Variants in UNC5B observed in about 807,000 individuals in gnomAD.
UNC5B encodes the protein unc-5 netrin receptor B.
In UNC5B, 56 loss-of-function variants were observed where a neutral mutation model predicts 103.7. The observed-to-expected ratio is 0.54, with a 90% CI of 0.44 to 0.67. The LOEUF (loss-of-function observed/expected upper bound fraction) is 0.67, where lower values mean the gene tolerates loss of function less well. Ranked by LOEUF, UNC5B falls within the 30% of genes least tolerant of loss-of-function variation. The pLI is 0.00. For synonymous variants in UNC5B, 577 were observed against 542.0 expected (o/e 1.06, Z -0.90); for missense variants, 1,194 against 1,284.5 (o/e 0.93, Z 1.08).
Position 71,287,680 on chromosome 10 carries a change from C to G in UNC5B, c.816C>G (p.Thr272=). The change falls in exon 6 of 17, where the codon ACC becomes ACG. Residue 272 remains threonine, a synonymous_variant. Coordinates refer to ENST00000335350, the MANE Select transcript of UNC5B (RefSeq NM_170744.5). ...CGRGWQKRTR[T]CTNPAPLNGG... The stretch of plus-strand genomic sequence containing the variant: ...GAGGCTGGCAGAAGCGCACCCGGAC[C>G]TGCACCAACCCCGCTCCACTCAACG... 2.5e-6 allele frequency: 4 copies of G among 1,613,356 alleles called. No individual in the cohort carries two copies. The highest frequency in any genetic ancestry group is 3.4e-6 in the Non-Finnish European group (4 of 1,179,692).
intron 1 of UNC5B, among the ~76,000 whole-genome samples, chr10:71,262,208 C>T (rs1304950046): frequency 2.0e-5 from 3 of 152,102 alleles, no homozygotes; most frequent in Non-Finnish European, 4.4e-5. Context: ...GAGGTGGCTC[C>T]TGTTCGTTCT....
At chr10:71,241,325 G>A (rs111943167) in intron 1 of UNC5B, among the ~76,000 whole-genome samples, 12 of 152,296 alleles carry the variant, frequency 7.9e-5, no homozygotes, top group African/African-American at 2.6e-4. Flanking sequence ...GTCTGTAACT[G>A]AGTAGCTTCA....
intron 1 of UNC5B, among the ~76,000 whole-genome samples, chr10:71,270,888 G>A (rs1394197494): frequency 6.6e-6 from 1 of 152,140 alleles, no homozygotes; most frequent in Non-Finnish European, 1.5e-5. Flanking sequence ...TGCCTTAGGG[G>A]GACAGCAGCA....
Position 71,293,763 on chromosome 10 carries a change from G to A in UNC5B, c.2005G>A (p.Ala669Thr). Reference protein sequence around the residue: ...TPCYCQLEPRACHILLDQLGT... With the variant: ...TPCYCQLEPRTCHILLDQLGT... ...CTGCTACTGCCAGCTGGAGCCCAGG[G>A]CCTGTCACATCCTGCTGGACCAGCT... Residue 669 changes from alanine to threonine, a missense_variant, in exon 13 of 17, where the codon GCC becomes ACC. Ala to Thr is a moderately conservative substitution (Grantham distance 58). Coordinates refer to ENST00000335350, the MANE Select transcript of UNC5B (RefSeq NM_170744.5). 6.3e-7 allele frequency: 1 copy of A among 1,598,570 alleles called. No individual in the cohort carries two copies. The highest frequency in any genetic ancestry group is 1.3e-5 in the African/African-American group (1 of 74,524).
chr10:71,284,637 C>G, intron 2 of UNC5B, 83 bp from the exon 3 acceptor site: 1 of 1,586,000 alleles, frequency 6.3e-7, no homozygotes, highest in Non-Finnish European at 8.5e-7. Flanking sequence ...CCAGCAGGAT[C>G]CGAGGTGGAA....
intron 1 of UNC5B, among the ~76,000 whole-genome samples, chr10:71,244,026 A>G (rs941767521): frequency 6.6e-6 from 1 of 152,240 alleles, no homozygotes; most frequent in Non-Finnish European, 1.5e-5. Flanking sequence ...GTCTGTCTGC[A>G]GAGACTGTGC....
At position 71,297,997 on chromosome 10, in the gene UNC5B, T is replaced by G. The variant is rs754158417; in HGVS notation, c.2579T>G (p.Leu860Arg). 6.8e-6 allele frequency: 11 copies of G among 1,614,022 alleles called. No individual in the cohort carries two copies. The highest frequency in any genetic ancestry group is 9.3e-6 in the Non-Finnish European group (11 of 1,180,018). ...QLGPYAFKIP[L>R]SIRQKICNSL... Reference sequence around the variant, plus strand: ...GGACCTTATGCCTTCAAGATCCCACTGTCCATCCGCCAGAAGATATGCAAC... The same window carrying G: ...GGACCTTATGCCTTCAAGATCCCACGGTCCATCCGCCAGAAGATATGCAAC... The change falls in exon 16 of 17, where the codon CTG (leucine) becomes CGG (arginine). Residue 860 changes from leucine to arginine, a missense_variant. By Grantham distance (102) the Leu-to-Arg change is moderately radical. Coordinates refer to ENST00000335350, the MANE Select transcript of UNC5B (RefSeq NM_170744.5).
chr10:71,250,207 G>T (rs1844141053), intron 1 of UNC5B, among the ~76,000 whole-genome samples: 1 of 152,220 alleles, frequency 6.6e-6, no homozygotes, highest in Admixed American at 6.5e-5. Flanking sequence ...TGAAGGGGCA[G>T]TGCCGGTGGG....
Position 71,300,512 on chromosome 10 carries a change from C to T in UNC5B, c.*1235C>T, listed in dbSNP as rs1242981051. 1.3e-5 allele frequency: 2 copies of T among 152,348 alleles called. No individual in the cohort carries two copies. The highest frequency in any genetic ancestry group is 2.9e-5 in the Non-Finnish European group (2 of 68,140). 9.4% of individuals were successfully genotyped at this position (152,348 alleles called of 1,614,324 possible). ...AGGGGAGTCCTCCACGGGCATCTCT[C>T]TCCTGGCGGCTGGATAGCTTTACCC... On this transcript the variant is annotated 3_prime_UTR_variant, in exon 17 of 17. Coordinates refer to ENST00000335350, the MANE Select transcript of UNC5B (RefSeq NM_170744.5).
At chr10:71,228,885 T>C (rs553639958) in intron 1 of UNC5B, among the ~76,000 whole-genome samples, 2 of 152,284 alleles carry the variant, frequency 1.3e-5, no homozygotes, top group South Asian at 4.1e-4. Flanking sequence ...CTAATCTAGC[T>C]TTTAGTGTCA....
intron 1 of UNC5B, among the ~76,000 whole-genome samples, chr10:71,230,023 C>T (rs1182361887): frequency 6.6e-6 from 1 of 151,184 alleles, no homozygotes; most frequent in African/African-American, 2.4e-5. Context: ...GCTGGGCAAA[C>T]TGAGACAGAG....
At position 71,213,734 on chromosome 10, in the gene UNC5B, T is replaced by A. The variant is rs1265749173; in HGVS notation, c.79+670T>A. ...AATTTTCTGAGTGTTGGAGAGTGTG[T>A]GTGTGTGTGTGTGTGTGTGTGTGTG... On this transcript the variant is annotated intron_variant, in intron 1 of 16. Transcript: ENST00000335350. This position sits in a 1 kb window ranked among gnomAD's most constrained non-coding sequence, Gnocchi z 4.1. 1.4e-5 allele frequency among the ~76,000 whole-genome samples: 2 copies of A among 146,604 alleles called. No homozygotes were observed. Among genetic ancestry groups the A allele is most frequent in the African/African-American group, 5.1e-5 (2 of 38,950 alleles).
intron 1 of UNC5B, among the ~76,000 whole-genome samples, chr10:71,269,738 A>G (rs1589180515): frequency 6.6e-6 from 1 of 152,224 alleles, no homozygotes; most frequent in East Asian, 1.9e-4. Flanking sequence ...AACAGACAGC[A>G]AGCTTACAAA....
intron 14 of UNC5B, 63 bp downstream of exon 14, chr10:71,296,023 C>G: frequency 6.2e-7 from 1 of 1,602,976 alleles, no homozygotes; most frequent in East Asian, 2.2e-5. Flanking sequence ...AAGCCCAGCT[C>G]CCTCCCGGGC....
chr10:71,298,149 G>A (rs1022449621), intron 16 of UNC5B, 59 bp downstream of exon 16: 5 of 1,508,722 alleles, frequency 3.3e-6, no homozygotes, highest in African/African-American at 1.4e-5. Context: ...GTCTCACAGG[G>A]GCAGGCAGGG....
Position 71,219,246 on chromosome 10 carries a change from T to A in UNC5B, c.79+6182T>A, listed in dbSNP as rs60552145. 7.1e-3 allele frequency among the ~76,000 whole-genome samples: 1,077 copies of A among 152,052 alleles called. 16 individuals are homozygous for A. The highest frequency in any genetic ancestry group is 0.024 in the African/African-American group (1,004 of 41,470). ...AAGAGACAGGACTGGGACCCAGGTT[T>A]GTATTAGTCAGGGTTCTCTAGAGGG... On this transcript the variant is annotated intron_variant, in intron 1 of 16. Transcript: ENST00000335350.
intron 1 of UNC5B, among the ~76,000 whole-genome samples, chr10:71,270,259 A>G (rs12416505): frequency 0.74 from 110,942 of 150,786 alleles, 42,015 homozygotes; most frequent in Non-Finnish European, 0.83. Context: ...CTGATGCAGG[A>G]GAACCCAGGA....
At chr10:71,268,927 AG>A (rs1192912908) in intron 1 of UNC5B, among the ~76,000 whole-genome samples, 1 of 152,210 alleles carries the variant, frequency 6.6e-6, no homozygotes, top group Non-Finnish European at 1.5e-5. Context: ...TCCCCGTGCC[AG>A]CTCTGCGTCC....
chr10:71,240,956 G>A (rs1330353926), intron 1 of UNC5B, among the ~76,000 whole-genome samples: 2 of 152,244 alleles, frequency 1.3e-5, no homozygotes, highest in African/African-American at 4.8e-5. Context: ...TTAGCAGCCT[G>A]CGAATCCAAG....
Sources: allele counts gnomAD v4.1 joint callset (sites outside exome capture counted in the v4.1 genomes callset), GRCh38; gene constraint gnomAD v4.1.1; non-coding constraint Gnocchi (gnomAD v3.1); transcripts MANE v1.5; gene names NCBI Gene and HGNC (gene_info 2026-07-23, HGNC 2026-07-21).